SCAF11: variants seen among roughly 807,000 people sequenced by gnomAD.
SCAF11 encodes the protein protein SCAF11.
Under a neutral mutation model 140.5 loss-of-function variants are expected in SCAF11, and 47 were observed. The observed-to-expected ratio is 0.33, with a 90% CI of 0.26 to 0.43. The LOEUF (loss-of-function observed/expected upper bound fraction) is 0.43. Among genes scored for constraint, SCAF11 ranks in the 20% least tolerant of loss-of-function variants. The pLI is 1.00. For missense variants in SCAF11, 1,645 were observed against 1,705.1 expected (o/e 0.96, Z 0.62); for synonymous variants, 557 against 579.4 (o/e 0.96, Z 0.55).
At position 45,986,842 on chromosome 12, in the gene SCAF11, T is replaced by C. The variant is rs185890452; in HGVS notation, c.-22+3511A>G. On this transcript the variant is annotated intron_variant, in intron 1 of 14. Transcript: ENST00000369367. ...CTCATTTTCTCTTGCCACCAACCAC[T>C]ATGTAAGAAGTGCCCTTCTCCTCCC... Among the ~76,000 whole-genome samples the C allele has an allele frequency of 5.3e-5, 8 of 152,264 alleles. No individual in the cohort carries two copies. The Middle Eastern group carries it at 0.014, about 259-fold the overall frequency.
rs1255400105 is a variant in SCAF11, at chr12:45,928,286, G to C, written c.1415C>G (p.Ser472Cys). 2 of 1,613,924 alleles carry C rather than the reference G, an allele frequency of 1.2e-6. No individual in the cohort carries two copies. Among genetic ancestry groups the C allele is most frequent in the East Asian group, 2.2e-5 (1 of 44,872 alleles). Residue 472 changes from serine to cysteine, a missense_variant, in exon 11 of 15, where the codon TCT becomes TGT. By Grantham distance (112) the Ser-to-Cys change is moderately radical (BLOSUM62 -1). This residue lies in a region of SCAF11 where 1,582 missense variants were observed against 1,609.2 expected (regional missense o/e 0.98). Transcript: ENST00000369367. ...TTGAGCACAAGACTCAGAAGATGAA[G>C]ATCCTACTCTTTCCTCTGTATCATA... ...ANYDTEERVG[S>C]SSSESCAQDL...
intron 9 of SCAF11, 130 bp downstream of exon 9, chr12:45,933,001 C>T (rs1945087047): frequency 3.3e-6 from 2 of 598,396 alleles, no homozygotes; most frequent in East Asian, 5.6e-5. Context: ...TTTGAAACAC[C>T]AAAGTTTAAT....
At chr12:45,991,253 T>A (rs572832261), upstream of SCAF11, among the ~76,000 whole-genome samples, 10 of 152,320 alleles carry the variant, frequency 6.6e-5, no homozygotes, top group South Asian at 6.2e-4. Context: ...TTCCCATGTC[T>A]TAACCCCACA....
intron 1 of SCAF11, among the ~76,000 whole-genome samples, chr12:45,973,376 AAAG>A (rs1946158791): frequency 6.6e-6 from 1 of 152,080 alleles, no homozygotes. Flanking sequence ...TCACTGCAGA[AAAG>A]AAGAAAAAAG....
chr12:45,946,202 C>T (rs554817540), intron 5 of SCAF11, among the ~76,000 whole-genome samples: 90 of 152,216 alleles, frequency 5.9e-4, no homozygotes, highest in Non-Finnish European at 1.1e-3. Context: ...CAAAATACCA[C>T]TGCAATGCCT....
chr12:45,973,242 C>G (rs1376898538), intron 1 of SCAF11, among the ~76,000 whole-genome samples: 4 of 150,432 alleles, frequency 2.7e-5, no homozygotes, highest in Non-Finnish European at 5.9e-5. Context: ...AGATAAACCA[C>G]TAGAAATTAC....
intron 3 of SCAF11, among the ~76,000 whole-genome samples, chr12:45,958,864 A>C (rs1300218208): frequency 6.6e-6 from 1 of 152,228 alleles, no homozygotes; most frequent in Non-Finnish European, 1.5e-5. Context: ...GAGCTTGAAA[A>C]GACTGAAACT....
intron 3 of SCAF11, 39 bp from the exon 4 acceptor site, chr12:45,951,766 T>C (rs1382883143): frequency 7.9e-7 from 1 of 1,266,316 alleles, no homozygotes; most frequent in Non-Finnish European, 1.1e-6. Flanking sequence ...TACAAATGTT[T>C]CTTTAGATCA....
At position 45,990,391 on chromosome 12, in the gene SCAF11, CCA is replaced by C. The variant is rs1432045098; in HGVS notation, c.-62_-61del. The C allele has an allele frequency of 4.1e-6, 5 of 1,232,488 alleles. No individual in the cohort carries two copies. The African/African-American group carries it at 7.8e-5, about 19-fold the overall frequency. 76.3% of individuals were successfully genotyped at this position (1,232,488 alleles called of 1,614,324 possible). On this transcript the variant is annotated 5_prime_UTR_variant, in exon 1 of 15. Coordinates refer to ENST00000369367, the MANE Select transcript of SCAF11 (RefSeq NM_004719.3). ...CGAGGCGCTCGGTCCGGCCGCGGCC[CCA>C]CAGTAGGTTCCCAGGTCCCAGTCAC... is the stretch of plus-strand genomic sequence containing the variant.
At position 45,990,419 on chromosome 12, in the gene SCAF11, T is replaced by C; in HGVS notation, c.-88A>G. The stretch of plus-strand genomic sequence containing the variant: ...CAGTAGGTTCCCAGGTCCCAGTCAC[T>C]CCGCTGCCAAGTTCCCCAACATGGA... On this transcript the variant is annotated 5_prime_UTR_variant, in exon 1 of 15. Transcript: ENST00000369367. 2.4e-6 allele frequency: 3 copies of C among 1,231,982 alleles called. No individual in the cohort carries two copies. The highest frequency in any genetic ancestry group is 3.0e-6 in the Non-Finnish European group (3 of 988,362). The allele number at this position is 1,231,982 out of a possible 1,614,324, so 76.3% of individuals were successfully genotyped here.
intron 6 of SCAF11, chr12:45,935,009 C>T (rs1441750533): frequency 1.3e-5 from 2 of 152,292 alleles, no homozygotes; most frequent in Admixed American, 1.3e-4. Flanking sequence ...CAGGTATGTT[C>T]TTTCCTTCCA....
chr12:45,966,849 C>T (rs557179950), intron 1 of SCAF11, among the ~76,000 whole-genome samples: 5 of 152,126 alleles, frequency 3.3e-5, no homozygotes, highest in East Asian at 1.9e-4. Flanking sequence ...GAAATTCATA[C>T]CATACTATCT....
intron 1 of SCAF11, among the ~76,000 whole-genome samples, chr12:45,980,362 T>C (rs1420974284): frequency 1.3e-5 from 2 of 152,210 alleles, no homozygotes; most frequent in Non-Finnish European, 2.9e-5. Context: ...CAATTATTTA[T>C]GGATATGTTT....
chr12:45,983,370 C>T (rs769781121), intron 1 of SCAF11, among the ~76,000 whole-genome samples: 5 of 152,152 alleles, frequency 3.3e-5, no homozygotes, highest in Non-Finnish European at 7.4e-5. Flanking sequence ...ATCAACAAAC[C>T]TGGAGTTCAG....
In SCAF11 at chr12:45,930,467, T is replaced by G. The variant is rs570460257; in HGVS notation, c.841+1039A>C. ...TTTGTTTTTTTTTTGTTTTTTTTTT[T>G]TTTTGAGACAGGCTGTTGTTCTGTT... is the stretch of plus-strand genomic sequence containing the variant. On this transcript the variant is annotated intron_variant, in intron 10 of 14. Transcript: ENST00000369367. 4.0e-5 allele frequency among the ~76,000 whole-genome samples: 6 copies of G among 151,008 alleles called. No individual in the cohort carries two copies. In the South Asian group the frequency reaches 1.3e-3, roughly 31 times the overall value.
intron 3 of SCAF11, among the ~76,000 whole-genome samples, chr12:45,957,218 T>C (rs1945710710): frequency 6.6e-6 from 1 of 152,214 alleles, no homozygotes; most frequent in Non-Finnish European, 1.5e-5. Flanking sequence ...TCTGGTTAAT[T>C]TTTTTAAAAT....
Position 45,933,144 on chromosome 12 carries a change from G to C in SCAF11, c.721C>G (p.Pro241Ala). The C allele has an allele frequency of 6.2e-7, 1 of 1,606,834 alleles. No homozygotes were observed. The highest frequency in any genetic ancestry group is 8.5e-7 in the Non-Finnish European group (1 of 1,175,972). Residue 241 changes from proline to alanine, a missense_variant, in exon 9 of 15, where the codon CCT becomes GCT. By Grantham distance (27) the Pro-to-Ala change is conservative (BLOSUM62 -1). Transcript: ENST00000369367. ...TTTTATTTTTACCTTCCAATTCCAG[G>C]TAATGTATCAGGAAACCATGACAAT... ...LELSWFPDTL[P>A]GIGRIGFIPW...
At chr12:45,984,201 G>A (rs1266679695) in intron 1 of SCAF11, among the ~76,000 whole-genome samples, 1 of 152,242 alleles carries the variant, frequency 6.6e-6, no homozygotes, top group Non-Finnish European at 1.5e-5. Context: ...ACTTGGAACA[G>A]TCCCCCAGTC....
rs549544365 is a variant in SCAF11 at position 45,958,382 on chromosome 12, C to G, written c.219+3318G>C. Among the ~76,000 whole-genome samples, 215 of 152,062 alleles carry G rather than the reference C, an allele frequency of 1.4e-3. 1 individual carries two copies. Among genetic ancestry groups the G allele is most frequent in the African/African-American group, 5.1e-3 (212 of 41,500 alleles). On this transcript the variant is annotated intron_variant, in intron 3 of 14. Transcript: ENST00000369367. ...ATCAATAAGTATATATTGTTTTTGC[C>G]CACAATATGGGTAAAATAAATAACT...
Sources: allele counts gnomAD v4.1 joint callset (sites outside exome capture counted in the v4.1 genomes callset), GRCh38; gene constraint gnomAD v4.1.1; regional missense constraint gnomAD v4.1.1; transcripts MANE v1.5; gene names NCBI Gene and HGNC (gene_info 2026-07-23, HGNC 2026-07-21).